The following KNTC1 variants were observed in gnomAD, a reference collection of about 807,000 sequenced individuals.
The protein encoded by KNTC1 is kinetochore-associated protein 1.
Under a neutral mutation model 314.4 loss-of-function variants are expected in KNTC1, and 253 were observed. That is an observed-to-expected ratio of 0.80 (90% CI 0.73 to 0.89). The LOEUF (loss-of-function observed/expected upper bound fraction) is 0.89. Among genes scored for constraint, KNTC1 ranks in the 40% least tolerant of loss-of-function variants. The probability of loss-of-function intolerance (pLI) is 0.00; values close to 1 mark genes in which losing one functional copy is unlikely to be tolerated. For synonymous variants in KNTC1, 901 were observed against 901.4 expected (o/e 1.00, Z 0.01); for missense variants, 2,475 against 2,572.9 (o/e 0.96, Z 0.82).
chr12:122,551,122 A>G (rs1471063887), intron 13 of KNTC1, among the ~76,000 whole-genome samples, 197 bp from the exon 14 acceptor site: 1 of 149,016 alleles, frequency 6.7e-6, no homozygotes. Flanking sequence ...TATGGGATTT[A>G]TATTTCCTAG....
At chr12:122,582,221 A>G (rs545043604) in intron 33 of KNTC1, among the ~76,000 whole-genome samples, 1 of 152,228 alleles carries the variant, frequency 6.6e-6, no homozygotes, top group East Asian at 1.9e-4. Context: ...GTTTGAGACT[A>G]CCCTAGGCAA....
intron 7 of KNTC1, 50 bp downstream of exon 7, chr12:122,543,684 T>A (rs747239822): frequency 8.9e-7 from 1 of 1,129,890 alleles, no homozygotes; most frequent in South Asian, 1.5e-5. Context: ...CATTTAATAT[T>A]AATGTAGTAG....
intron 3 of KNTC1, among the ~76,000 whole-genome samples, chr12:122,535,498 C>G (rs1356444523): frequency 6.6e-6 from 1 of 152,152 alleles, no homozygotes; most frequent in Non-Finnish European, 1.5e-5. Context: ...CAAAAATTAG[C>G]TGGCCGTGCT....
chr12:122,614,341 A>G (rs1466490779), intron 55 of KNTC1, among the ~76,000 whole-genome samples: 2 of 151,998 alleles, frequency 1.3e-5, no homozygotes, highest in Non-Finnish European at 2.9e-5. Context: ...GGGAGAGGAG[A>G]CTGTCCGGTA....
At chr12:122,615,136 C>T (rs1873630796) in intron 56 of KNTC1, 50 bp downstream of exon 56, 1 of 1,277,680 alleles carries the variant, frequency 7.8e-7, no homozygotes, top group South Asian at 1.3e-5. Flanking sequence ...AGCTTTTGCA[C>T]AGCATCCCCT....
intron 26 of KNTC1, 103 bp downstream of exon 26, chr12:122,573,388 G>A (rs1964820299): frequency 9.7e-7 from 1 of 1,034,002 alleles, no homozygotes; most frequent in African/African-American, 1.6e-5. Context: ...TTCTCAGTAG[G>A]ACTCATGCAG....
chr12:122,546,617 T>C lies in KNTC1; in HGVS notation c.764-5T>C, dbSNP rs543137527. On this transcript the variant is annotated splice_polypyrimidine_tract_variant and splice_region_variant and intron_variant, in intron 9 of 63. Transcript: ENST00000333479. Reference sequence around the variant, plus strand: ...TCCTGAGACATCTTATTTTCTCTTTTGTAGGTGCAAAGAAGTTCCAGCTGA... The same window carrying C: ...TCCTGAGACATCTTATTTTCTCTTTCGTAGGTGCAAAGAAGTTCCAGCTGA... The C allele has an allele frequency of 1.6e-4, 248 of 1,561,684 alleles. 1 individual carries two copies. The East Asian group carries it at 5.4e-3, about 34-fold the overall frequency.
intron 16 of KNTC1, among the ~76,000 whole-genome samples, chr12:122,554,076 A>AAAATATATATATATATATATAT (rs370146333): frequency 2.7e-4 from 29 of 109,042 alleles, no homozygotes; most frequent in Middle Eastern, 4.8e-3. Context: ...AAAAAAAAAA[A>AAAATATATATATATATATATAT]ATATATATAT....
At chr12:122,555,585 C>T (rs921870839) in intron 16 of KNTC1, among the ~76,000 whole-genome samples, 1 of 151,328 alleles carries the variant, frequency 6.6e-6, no homozygotes, top group African/African-American at 2.4e-5. Context: ...CGCGGTGGCT[C>T]ACGCCTGTAA....
chr12:122,605,394 C>T lies in KNTC1; in HGVS notation c.5475C>T (p.Cys1825=), dbSNP rs758931341. ...VWDMLLEKWL[C]PSTKPGEKPS... Reference sequence around the variant, plus strand: ...ACATGTTGTTGGAAAAATGGCTATGCCCTTCAACAAAACCTGGTGAAGTAA... The same window carrying T: ...ACATGTTGTTGGAAAAATGGCTATGTCCTTCAACAAAACCTGGTGAAGTAA... The change falls in exon 51 of 64, where the codon TGC becomes TGT. Residue 1825 remains cysteine (C), a synonymous_variant. Transcript: ENST00000333479. 6 of 1,592,762 alleles carry T rather than the reference C, an allele frequency of 3.8e-6. No individual in the cohort carries two copies. The African/African-American group carries it at 8.1e-5, about 21-fold the overall frequency.
At position 122,610,807 on chromosome 12, in the gene KNTC1, A is replaced by C; in HGVS notation, c.5544-15A>C. On this transcript the variant is annotated splice_polypyrimidine_tract_variant and intron_variant, in intron 52 of 63. Transcript: ENST00000333479. ...CTAAATTAAAAAATGACTGTAATTA[A>C]AATTTTTTTTCCAGAGTGCAGTATC... 6.4e-7 allele frequency: 1 copy of C among 1,573,334 alleles called. No individual in the cohort carries two copies. Among genetic ancestry groups the C allele is most frequent in the Non-Finnish European group, 8.7e-7 (1 of 1,145,668 alleles).
At chr12:122,579,759 C>T in intron 31 of KNTC1, 146 bp from the exon 32 acceptor site, 4 of 605,414 alleles carry the variant, frequency 6.6e-6, no homozygotes, top group African/African-American at 1.8e-5. Flanking sequence ...CCCTGTATAA[C>T]GCTCATTAAC....
intron 14 of KNTC1, 38 bp downstream of exon 14, chr12:122,551,400 T>C: frequency 6.4e-7 from 1 of 1,573,164 alleles, no homozygotes; most frequent in Non-Finnish European, 8.7e-7. Context: ...ATAGCTATGT[T>C]AAATTTTACG....
intron 42 of KNTC1, among the ~76,000 whole-genome samples, chr12:122,592,237 C>T (rs1037191780): frequency 2.0e-5 from 3 of 152,234 alleles, no homozygotes; most frequent in Non-Finnish European, 4.4e-5. Context: ...CTCGCTTTCT[C>T]GCCGGGCCTT....
At chr12:122,552,002 G>A (rs1339979253) in intron 16 of KNTC1, among the ~76,000 whole-genome samples, 3 of 152,164 alleles carry the variant, frequency 2.0e-5, no homozygotes, top group Middle Eastern at 6.8e-3. Flanking sequence ...CCGCCTCCTG[G>A]GTTCAAGCGA....
intron 37 of KNTC1, 106 bp downstream of exon 37, chr12:122,585,880 A>C: frequency 2.0e-6 from 2 of 988,238 alleles, no homozygotes; most frequent in South Asian, 2.8e-5. Flanking sequence ...GGCGAACCTT[A>C]TAAGCGTAAT....
At position 122,562,687 on chromosome 12, in the gene KNTC1, C is replaced by T. The variant is rs755054291; in HGVS notation, c.1592C>T (p.Pro531Leu). Residue 531 changes from proline to leucine, a missense_variant, in exon 20 of 64, where the codon CCA (proline) becomes CTA (leucine). Physicochemically the swap from Pro to Leu is moderately conservative, Grantham distance 98. Coordinates refer to ENST00000333479, the MANE Select transcript of KNTC1 (RefSeq NM_014708.6). ...ACTACTTTTTATGGAGCATTTGGAC[C>T]AGAAAAATTCAGGTGTGTACATTTT... ...KLTTFYGAFG[P>L]EKFSGSSWIE... 3 of 1,607,648 alleles carry T rather than the reference C, an allele frequency of 1.9e-6. No homozygotes were observed. Among genetic ancestry groups the T allele is most frequent in the South Asian group, 2.2e-5 (2 of 90,762 alleles).
intron 63 of KNTC1, among the ~76,000 whole-genome samples, chr12:122,625,380 C>T (rs966185366): frequency 1.3e-5 from 2 of 151,602 alleles, no homozygotes; most frequent in African/African-American, 2.4e-5. Context: ...CCCAACCTGG[C>T]TGACAGAGCA....
intron 39 of KNTC1, among the ~76,000 whole-genome samples, 173 bp from the exon 40 acceptor site, chr12:122,588,539 T>G (rs886698232): frequency 2.0e-5 from 3 of 152,208 alleles, no homozygotes; most frequent in African/African-American, 4.8e-5. Context: ...TTTTAATGCT[T>G]CCTCTTTGCT....
Sources: allele counts gnomAD v4.1 joint callset (sites outside exome capture counted in the v4.1 genomes callset), GRCh38; gene constraint gnomAD v4.1.1; transcripts MANE v1.5; gene names NCBI Gene and HGNC (gene_info 2026-07-23, HGNC 2026-07-21).